DLGAP2: variants seen among roughly 807,000 people sequenced by gnomAD.
The protein encoded by DLGAP2 is disks large-associated protein 2.
DLGAP2 carries 26 observed loss-of-function variants against 100.3 expected under a neutral mutation model. That is an observed-to-expected ratio of 0.26 (90% confidence interval 0.19 to 0.36). DLGAP2 has a LOEUF of 0.36. DLGAP2 is among the 10% of genes least tolerant of loss of function. The pLI is 1.00. For synonymous variants in DLGAP2, 886 were observed against 630.1 expected, an observed-to-expected ratio of 1.41 and a Z score of -6.08; for missense variants, 1,858 against 1,453.2, an observed-to-expected ratio of 1.28 and a Z score of -4.53.
chr8:1,548,699 G>C lies in DLGAP2; in HGVS notation c.246G>C (p.Lys82Asn). Reference protein sequence around the residue: ...ERYSPAPRSMKGLSGSRTQPP... With the variant: ...ERYSPAPRSMNGLSGSRTQPP... The stretch of plus-strand genomic sequence containing the variant: ...ACTCGCCCGCGCCCAGGAGCATGAA[G>C]GGCCTTTCCGGAAGTCGGACCCAGC... The change falls in exon 5 of 15, where the codon AAG becomes AAC. Residue 82 changes from lysine to asparagine, a missense_variant. Transcript: ENST00000637795. The C allele has an allele frequency of 6.2e-7, 1 of 1,607,136 alleles. No individual in the cohort carries two copies. Among genetic ancestry groups the C allele is most frequent in the Non-Finnish European group, 8.5e-7 (1 of 1,178,074 alleles).
chr8:1,273,460 C>G (rs1799622222), intron 3 of DLGAP2, among the ~76,000 whole-genome samples: 1 of 152,222 alleles, frequency 6.6e-6, no homozygotes, highest in African/African-American at 2.4e-5. Context: ...CCCACCTTAA[C>G]TTGACGAGTT....
At chr8:869,211 C>T (rs1215660219) in intron 1 of DLGAP2, among the ~76,000 whole-genome samples, 4 of 152,160 alleles carry the variant, frequency 2.6e-5, no homozygotes, top group Non-Finnish European at 5.9e-5. Context: ...ACCAACCAGC[C>T]ACCCCTAAAC....
At chr8:1,339,960 T>G (rs900919928) in intron 3 of DLGAP2, among the ~76,000 whole-genome samples, 1 of 152,238 alleles carries the variant, frequency 6.6e-6, no homozygotes, top group Non-Finnish European at 1.5e-5. Context: ...CTTGCTTAAA[T>G]GTACATGAGA....
chr8:1,267,985 G>A (rs1799503144), intron 3 of DLGAP2, among the ~76,000 whole-genome samples: 1 of 152,198 alleles, frequency 6.6e-6, no homozygotes, highest in Non-Finnish European at 1.5e-5. Flanking sequence ...CAGAGGTGAA[G>A]CCACAGCTAT....
intron 2 of DLGAP2, among the ~76,000 whole-genome samples, chr8:1,133,942 T>C (rs1796349401): frequency 6.6e-6 from 1 of 152,050 alleles, no homozygotes; most frequent in Non-Finnish European, 1.5e-5. Context: ...TGTTTCCTTA[T>C]CCAGATATTA....
intron 2 of DLGAP2, among the ~76,000 whole-genome samples, chr8:1,036,346 G>A (rs1273668864): frequency 6.6e-6 from 1 of 152,264 alleles, no homozygotes; most frequent in South Asian, 2.1e-4. Flanking sequence ...GTGGATGCTG[G>A]CTTGGGGAGG....
At chr8:1,648,287 T>C (rs1334018186) in intron 8 of DLGAP2, among the ~76,000 whole-genome samples, 2 of 152,228 alleles carry the variant, frequency 1.3e-5, no homozygotes, top group African/African-American at 2.4e-5. Context: ...TAGAGTTCCT[T>C]TCTGAGGACA....
At chr8:953,567 C>G (rs959530634) in intron 2 of DLGAP2, among the ~76,000 whole-genome samples, 1 of 152,190 alleles carries the variant, frequency 6.6e-6, no homozygotes, top group African/African-American at 2.4e-5. Context: ...AGTTGTTTTT[C>G]TGAAAGTTAT....
intron 2 of DLGAP2, among the ~76,000 whole-genome samples, chr8:1,240,802 C>T (rs758005396): frequency 4.5e-4 from 3 of 6,660 alleles, no homozygotes; most frequent in African/African-American, 2.4e-3. Flanking sequence ...AGTTCTTTCA[C>T]ATGGCGCCAT....
chr8:1,385,900 G>A (rs1040710552), intron 3 of DLGAP2, among the ~76,000 whole-genome samples: 1 of 152,242 alleles, frequency 6.6e-6, no homozygotes, highest in Non-Finnish European at 1.5e-5. Flanking sequence ...TGAGAACTTG[G>A]TGGACAGTTA....
intron 2 of DLGAP2, among the ~76,000 whole-genome samples, chr8:936,059 T>G (rs1211156557): frequency 6.6e-5 from 10 of 152,152 alleles, no homozygotes; most frequent in Non-Finnish European, 1.5e-4. Flanking sequence ...TGCTGGAAAT[T>G]AGCTCGCGGA....
At chr8:959,793 T>C (rs911550953) in intron 2 of DLGAP2, among the ~76,000 whole-genome samples, 6 of 152,202 alleles carry the variant, frequency 3.9e-5, no homozygotes, top group Non-Finnish European at 7.3e-5. Context: ...GGAGAGAATA[T>C]GACTATATTC....
In DLGAP2 at chr8:1,415,655, C is replaced by T. The variant is rs138048294; in HGVS notation, c.107-85711C>T. On this transcript the variant is annotated intron_variant, in intron 3 of 14. Transcript: ENST00000637795. ...GAGGACGTGATTCCATTCTCTCTTA[C>T]GGCTGCATAGAATTTCGTGGTGTAT... Among the ~76,000 whole-genome samples, 70 of 152,324 alleles carry T rather than the reference C, an allele frequency of 4.6e-4. 1 individual carries two copies. Among genetic ancestry groups the T allele is most frequent in the African/African-American group, 1.7e-3 (70 of 41,572 alleles).
Position 1,183,379 on chromosome 8 carries a change from G to A in DLGAP2, c.74-75472G>A, listed in dbSNP as rs532019679. Among the ~76,000 whole-genome samples, 4 of 152,330 alleles carry A rather than the reference G, an allele frequency of 2.6e-5. No individual in the cohort carries two copies. The East Asian group carries it at 7.7e-4, about 29-fold the overall frequency. On this transcript the variant is annotated intron_variant, in intron 2 of 14. Transcript: ENST00000637795. ...ACTTTTAGATTATAGATGTGGCAGT[G>A]CTTGGTGTGTGCAAGTGTGTTTTCT...
chr8:1,570,473 A>G (rs146248041), intron 6 of DLGAP2, among the ~76,000 whole-genome samples: 109 of 152,330 alleles, frequency 7.2e-4, no homozygotes, highest in African/African-American at 2.1e-3. Flanking sequence ...TCCTAATCCA[A>G]TTCCTCATTT....
At chr8:1,098,369 G>A (rs901402634) in intron 2 of DLGAP2, among the ~76,000 whole-genome samples, 1 of 152,204 alleles carries the variant, frequency 6.6e-6, no homozygotes, top group Non-Finnish European at 1.5e-5. Flanking sequence ...CCTGGAACGC[G>A]CTTCTGGAAC....
At chr8:1,157,198 C>T (rs535568449) in intron 2 of DLGAP2, among the ~76,000 whole-genome samples, 4 of 152,096 alleles carry the variant, frequency 2.6e-5, no homozygotes, top group Admixed American at 6.6e-5. Flanking sequence ...CTGTGGGTTC[C>T]GTACCCCGTG....
At chr8:1,005,445 G>A (rs1360398690) in intron 2 of DLGAP2, among the ~76,000 whole-genome samples, 2 of 129,954 alleles carry the variant, frequency 1.5e-5, no homozygotes, top group African/African-American at 2.9e-5. Context: ...GTCTTGCTCT[G>A]TCACCCAGGC....
At chr8:1,222,011 G>T (rs1018744296) in intron 2 of DLGAP2, among the ~76,000 whole-genome samples, 2 of 152,132 alleles carry the variant, frequency 1.3e-5, no homozygotes, top group African/African-American at 4.8e-5. Flanking sequence ...GTTTTCCTTG[G>T]ATTAGGTTTC....
Sources: gnomAD v4.1 joint callset for allele counts (sites outside exome capture counted in the v4.1 genomes callset) on GRCh38, gnomAD v4.1.1 for gene constraint, MANE v1.5 for transcripts, NCBI Gene and HGNC (gene_info 2026-07-23, HGNC 2026-07-21) for gene names.